MPHOSPH9: variants seen among roughly 807,000 people sequenced by gnomAD.
The protein encoded by MPHOSPH9 is M-phase phosphoprotein 9.
MPHOSPH9 carries 88 observed loss-of-function variants against 145.5 expected under a neutral mutation model. That is an observed-to-expected ratio of 0.60 (90% CI 0.51 to 0.72). The LOEUF is 0.72. Among genes scored for constraint, MPHOSPH9 ranks in the 30% least tolerant of loss-of-function variants. The pLI, the probability that MPHOSPH9 is intolerant of heterozygous loss-of-function variation, is 0.00. For missense variants in MPHOSPH9, 1,238 were observed against 1,386.6 expected (o/e 0.89, Z 1.70); for synonymous variants, 435 against 486.2 (o/e 0.89, Z 1.39).
intron 7 of MPHOSPH9, 60 bp from the exon 8 acceptor site, chr12:123,210,222 GA>G (rs2046644558): frequency 2.1e-6 from 2 of 953,306 alleles, no homozygotes; most frequent in Non-Finnish European, 3.1e-6. Context: ...ATGCTTTCTA[GA>G]ATAACATTTC....
upstream of MPHOSPH9, chr12:123,233,630 G>C (rs2047769398): frequency 6.6e-6 from 1 of 152,202 alleles, no homozygotes; most frequent in Non-Finnish European, 1.5e-5. Flanking sequence ...GGTTTTTCCC[G>C]ACTTGCGACC....
intron 13 of MPHOSPH9, among the ~76,000 whole-genome samples, chr12:123,188,804 C>T (rs1288600412): frequency 6.6e-6 from 1 of 152,158 alleles, no homozygotes; most frequent in African/African-American, 2.4e-5. Context: ...GCCGAGATAG[C>T]GCCACTGCAC....
chr12:123,197,946 T>C (rs1239328582), intron 12 of MPHOSPH9, among the ~76,000 whole-genome samples: 1 of 147,212 alleles, frequency 6.8e-6, no homozygotes, highest in East Asian at 2.0e-4. Flanking sequence ...TAGCTGGGCG[T>C]GGTGGAGGGC....
chr12:123,225,065 A>T (rs145856309), intron 3 of MPHOSPH9, among the ~76,000 whole-genome samples: 3,048 of 152,238 alleles, frequency 0.02, 62 homozygotes, highest in Non-Finnish European at 0.024. Context: ...TTGATTTTTT[A>T]AAGCGGGTAA....
chr12:123,159,157 G>A lies in MPHOSPH9; in HGVS notation c.3450+1624C>T, dbSNP rs1477251520. On this transcript the variant is annotated intron_variant, in intron 23 of 23. Coordinates refer to ENST00000606320, the MANE Select transcript of MPHOSPH9 (RefSeq NM_022782.4). This position sits in a 1 kb window ranked among gnomAD's most constrained non-coding sequence, Gnocchi z 4.3. ...TTTTAAAAAATGATCACATTGGCAG[G>A]TATTTTTTTTTATTATTCTTTTTCA... Among the ~76,000 whole-genome samples the A allele has an allele frequency of 6.6e-6, 1 of 151,890 alleles. No homozygotes were observed. Among genetic ancestry groups the A allele is most frequent in the Non-Finnish European group, 1.5e-5 (1 of 67,994 alleles).
intron 5 of MPHOSPH9, among the ~76,000 whole-genome samples, chr12:123,220,776 C>A (rs1380597423): frequency 6.6e-6 from 1 of 151,832 alleles, no homozygotes; most frequent in Admixed American, 6.6e-5. Flanking sequence ...AAAATTGTGG[C>A]TGGGCGAGGT....
chr12:123,234,046 C>T (rs1352434784), upstream of MPHOSPH9: 1 of 152,650 alleles, frequency 6.6e-6, no homozygotes, highest in Non-Finnish European at 1.5e-5. Flanking sequence ...AAGCGATCCT[C>T]CTTCCTCGGC....
rs1593046753 is a variant in MPHOSPH9 at position 123,156,602 on chromosome 12, A to G, written c.*205T>C. 2 of 389,230 alleles carry G rather than the reference A, an allele frequency of 5.1e-6. No homozygotes were observed. Among genetic ancestry groups the G allele is most frequent in the East Asian group, 7.5e-5 (2 of 26,704 alleles). The allele number at this position is 389,230 out of a possible 1,614,324, so 24.1% of individuals were successfully genotyped here. A position where few individuals can be genotyped will look rare whatever the true frequency, so the allele number is the denominator to read the frequency against. On this transcript the variant is annotated 3_prime_UTR_variant, in exon 24 of 24. Coordinates refer to ENST00000606320, the MANE Select transcript of MPHOSPH9 (RefSeq NM_022782.4). ...AAAAATAATGCTTTTTAAATAGTAA[A>G]ATATACAAGAGATTCCTGAGCATAA...
At chr12:123,181,131 T>C (rs2045115925) in intron 14 of MPHOSPH9, 32 bp downstream of exon 14, 2 of 1,579,878 alleles carry the variant, frequency 1.3e-6, no homozygotes, top group Non-Finnish European at 1.7e-6. Context: ...TGCCTCTGCA[T>C]GAAATCTAGA....
chr12:123,237,164 AAAAT>A (rs2047864407), upstream of MPHOSPH9, among the ~76,000 whole-genome samples: 1 of 152,214 alleles, frequency 6.6e-6, no homozygotes, highest in Non-Finnish European at 1.5e-5. Context: ...TGCTTAAAAA[AAAAT>A]AAACGGGGCC....
intron 23 of MPHOSPH9, among the ~76,000 whole-genome samples, chr12:123,157,889 T>C (rs1417086376): frequency 2.0e-5 from 3 of 152,012 alleles, no homozygotes; most frequent in African/African-American, 7.2e-5. Flanking sequence ...ACTTAGAATA[T>C]AGAAAATTTA....
intron 23 of MPHOSPH9, among the ~76,000 whole-genome samples, chr12:123,157,734 A>G (rs974401294): frequency 6.6e-6 from 1 of 151,786 alleles, no homozygotes; most frequent in Non-Finnish European, 1.5e-5. Context: ...TGATCCACCC[A>G]CCTCGGCCTC....
At chr12:123,163,866 G>T in intron 19 of MPHOSPH9, 84 bp downstream of exon 19, 2 of 1,553,460 alleles carry the variant, frequency 1.3e-6, no homozygotes. Context: ...AGAGAAACCA[G>T]AAACAGGCAA....
Position 123,156,804 on chromosome 12 carries a change from A to G in MPHOSPH9, c.*3T>C. ...ATGTCTCAAAATTTAATGGCTACAAATCTCAAAGATTTGCAGAGGTGCGCA... is the reference window on the plus strand; with the variant it reads ...ATGTCTCAAAATTTAATGGCTACAAGTCTCAAAGATTTGCAGAGGTGCGCA... On this transcript the variant is annotated 3_prime_UTR_variant, in exon 24 of 24. Coordinates refer to ENST00000606320, the MANE Select transcript of MPHOSPH9 (RefSeq NM_022782.4). 6.2e-7 allele frequency: 1 copy of G among 1,608,670 alleles called. No homozygotes were observed. Among genetic ancestry groups the G allele is most frequent in the Non-Finnish European group, 8.5e-7 (1 of 1,176,286 alleles).
chr12:123,174,226 T>TTTTGGCAGCGCTTTCTCGGGTTCC, intron 16 of MPHOSPH9, among the ~76,000 whole-genome samples: 1 of 152,242 alleles, frequency 6.6e-6, no homozygotes, highest in Non-Finnish European at 1.5e-5. Flanking sequence ...TCCTCTAGCT[T>TTTTGGCAGCGCTTTCTCGGGTTCC]TTTGGCAGCG....
At chr12:123,243,048 TAGAG>T (rs1047552142) in intron 1 of MPHOSPH9, among the ~76,000 whole-genome samples, 16 of 152,344 alleles carry the variant, frequency 1.1e-4, no homozygotes, top group Middle Eastern at 3.4e-3. Context: ...AGGTGATTCT[TAGAG>T]AGAGTTCAGA....
intron 13 of MPHOSPH9, among the ~76,000 whole-genome samples, chr12:123,193,110 C>A (rs202165357): frequency 4.4e-5 from 2 of 45,490 alleles, no homozygotes; most frequent in Admixed American, 3.5e-4. Flanking sequence ...TATATATATA[C>A]ACACACACAC....
At chr12:123,160,891 G>A (rs953720093) in intron 22 of MPHOSPH9, 42 bp from the exon 23 acceptor site, 3 of 1,589,986 alleles carry the variant, frequency 1.9e-6, no homozygotes, top group Non-Finnish European at 2.6e-6. Flanking sequence ...TACTGGCAGG[G>A]AGGTTTATCA....
Position 123,160,801 on chromosome 12 carries a change from A to G in MPHOSPH9, c.3430T>C (p.Leu1144=). 6.2e-7 allele frequency: 1 copy of G among 1,614,016 alleles called. No homozygotes were observed. Among genetic ancestry groups the G allele is most frequent in the Non-Finnish European group, 8.5e-7 (1 of 1,180,016 alleles). The change falls in exon 23 of 24, where the codon TTA becomes CTA. Residue 1144 remains leucine, a synonymous_variant. Transcript: ENST00000606320. ...RMPSPGGRIT[L]QTRLNQEALE... ...TTCACCTGATTTAATCTTGTCTGTA[A>G]AGTGATTCGTCCTCCAGGAGAAGGC...
Sources: gnomAD v4.1 joint callset for allele counts (sites outside exome capture counted in the v4.1 genomes callset) on GRCh38, gnomAD v4.1.1 for gene constraint, Gnocchi (gnomAD v3.1) non-coding constraint, MANE v1.5 for transcripts, NCBI Gene and HGNC (gene_info 2026-07-23, HGNC 2026-07-21) for gene names.